The following TNR variants were observed in gnomAD, a reference collection of about 807,000 sequenced individuals.
The protein encoded by TNR is tenascin R, also known as tenascin-R.
TNR carries 45 observed loss-of-function variants against 150.4 expected under a neutral mutation model. That is an observed-to-expected ratio of 0.30 (90% CI 0.24 to 0.38). The LOEUF is 0.38. Ranked by LOEUF, TNR falls within the 10% of genes least tolerant of loss-of-function variation. The pLI is 1.00. For synonymous variants in TNR, 687 were observed against 678.4 expected (o/e 1.01, Z -0.20); for missense variants, 1,544 against 1,759.1 (o/e 0.88, Z 2.19).
chr1:175,627,799 A>G lies in TNR; in HGVS notation c.-164-99430T>C, dbSNP rs538019343. On this transcript the variant is annotated intron_variant, in intron 1 of 22. Coordinates refer to ENST00000367674, the MANE Select transcript of TNR (RefSeq NM_003285.3). The stretch of plus-strand genomic sequence containing the variant: ...ACAATCAGATGTGTTCTTTGGAAAC[A>G]CAACTTTTCCTATTGGAGAGAGCTC... Among the ~76,000 whole-genome samples, 72 of 152,306 alleles carry G rather than the reference A, an allele frequency of 4.7e-4. 3 individuals carry two copies. In the South Asian group the frequency reaches 0.012, roughly 26 times the overall value.
rs1651500800 is a variant in TNR, at chr1:175,359,670, C to T, written c.2916G>A (p.Gln972=). The part of the protein sequence containing the change: ...TNITPTEALL[Q]WKAPVGEVEN... ...CCACCTCACCCACTGGTGCCTTCCA[C>T]TGCAGCAGGGCTTCTGTTGGAGTGA... The change falls in exon 15 of 23, where the codon CAG becomes CAA. Residue 972 remains glutamine, a synonymous_variant. Coordinates refer to ENST00000367674, the MANE Select transcript of TNR (RefSeq NM_003285.3). 6.2e-7 allele frequency: 1 copy of T among 1,613,972 alleles called. No homozygotes were observed. The highest frequency in any genetic ancestry group is 1.3e-5 in the African/African-American group (1 of 75,058).
chr1:175,646,478 A>T (rs1190192180), intron 1 of TNR, among the ~76,000 whole-genome samples: 1 of 151,940 alleles, frequency 6.6e-6, no homozygotes, highest in South Asian at 2.1e-4. Context: ...ACCATTAGAG[A>T]CTCCCTCTTG....
chr1:175,363,660 T>A, intron 13 of TNR, 48 bp downstream of exon 13: 1 of 1,596,868 alleles, frequency 6.3e-7, no homozygotes, highest in Non-Finnish European at 8.5e-7. Context: ...TCTCCCATAA[T>A]CTTCACCCAA....
intron 1 of TNR, among the ~76,000 whole-genome samples, chr1:175,707,336 A>G (rs1423666213): frequency 6.6e-6 from 1 of 152,122 alleles, no homozygotes; most frequent in Non-Finnish European, 1.5e-5. Flanking sequence ...CCATTTATAT[A>G]TTTTTAAATT....
chr1:175,559,395 T>A (rs1247011010), intron 1 of TNR, among the ~76,000 whole-genome samples: 2 of 152,192 alleles, frequency 1.3e-5, no homozygotes, highest in African/African-American at 4.8e-5. Flanking sequence ...AGTGAAATAA[T>A]ATGGACCTAT....
chr1:175,439,395 A>C (rs1401649720), intron 2 of TNR, among the ~76,000 whole-genome samples: 10 of 151,756 alleles, frequency 6.6e-5, no homozygotes, highest in Admixed American at 3.3e-4. Flanking sequence ...TAAAGACTTA[A>C]ATGTTAGACC....
At chr1:175,336,173 G>C (rs958316301) in intron 19 of TNR, among the ~76,000 whole-genome samples, 3 of 152,242 alleles carry the variant, frequency 2.0e-5, no homozygotes, top group Non-Finnish European at 4.4e-5. Flanking sequence ...GAGTGCAGTA[G>C]AAAGCATTTC....
intron 9 of TNR, among the ~76,000 whole-genome samples, chr1:175,370,434 T>A (rs1291586489): frequency 7.0e-6 from 1 of 143,506 alleles, no homozygotes; most frequent in Admixed American, 7.4e-5. Flanking sequence ...TGGGTGCACC[T>A]GTTGACTTCT....
At chr1:175,336,981 C>T (rs1473577327) in intron 19 of TNR, among the ~76,000 whole-genome samples, 1 of 152,214 alleles carries the variant, frequency 6.6e-6, no homozygotes, top group African/African-American at 2.4e-5. Context: ...CAACGTCCGC[C>T]TCCCAGGTTC....
intron 1 of TNR, among the ~76,000 whole-genome samples, chr1:175,578,349 G>A (rs771457851): frequency 6.6e-6 from 1 of 152,208 alleles, no homozygotes; most frequent in Middle Eastern, 3.4e-3. Context: ...AAACAAGATT[G>A]ATAAAAGAGA....
intron 2 of TNR, among the ~76,000 whole-genome samples, chr1:175,418,763 G>A (rs1222146914): frequency 6.6e-6 from 1 of 152,062 alleles, no homozygotes; most frequent in East Asian, 1.9e-4. Flanking sequence ...AGAGAATGAG[G>A]GGAGTCATGT....
intron 2 of TNR, among the ~76,000 whole-genome samples, chr1:175,444,297 C>A (rs6425349): frequency 6.6e-6 from 1 of 151,920 alleles, no homozygotes; most frequent in African/African-American, 2.4e-5. Context: ...ATTTCGTGAC[C>A]GAGAAATCTA....
intron 2 of TNR, among the ~76,000 whole-genome samples, chr1:175,461,806 C>A (rs936645699): frequency 6.6e-6 from 1 of 152,168 alleles, no homozygotes; most frequent in Non-Finnish European, 1.5e-5. Context: ...TTTCTTCTCA[C>A]ATGTCCTGGG....
intron 1 of TNR, among the ~76,000 whole-genome samples, chr1:175,672,612 C>G (rs1470499859): frequency 1.3e-5 from 2 of 152,344 alleles, no homozygotes; most frequent in African/African-American, 2.4e-5. Context: ...AGGCCACAAC[C>G]TGTGCATTCA....
At chr1:175,492,643 C>T (rs953052508) in intron 2 of TNR, among the ~76,000 whole-genome samples, 1 of 152,038 alleles carries the variant, frequency 6.6e-6, no homozygotes, top group African/African-American at 2.4e-5. Context: ...CTAGTCAAAA[C>T]TATATCTATG....
At chr1:175,502,361 A>G (rs925543867) in intron 2 of TNR, among the ~76,000 whole-genome samples, 1 of 152,162 alleles carries the variant, frequency 6.6e-6, no homozygotes, top group African/African-American at 2.4e-5. Context: ...GCTGTTGAAA[A>G]TCATAGCTGT....
rs1377966888 is a variant in TNR, at chr1:175,485,333, G to A, written c.-64+42936C>T. Among the ~76,000 whole-genome samples the A allele has an allele frequency of 3.3e-4, 50 of 152,108 alleles. 1 individual carries two copies. The highest frequency in any genetic ancestry group is 4.8e-5 in the African/African-American group (2 of 41,418). ...TGTAAACAGCTTTGAGGACAAAGACGTAAGTAGCAAAGAATGCATTTTCTT... is the reference window on the plus strand; with the variant it reads ...TGTAAACAGCTTTGAGGACAAAGACATAAGTAGCAAAGAATGCATTTTCTT... On this transcript the variant is annotated intron_variant, in intron 2 of 22. Coordinates refer to ENST00000367674, the MANE Select transcript of TNR (RefSeq NM_003285.3).
chr1:175,483,894 C>G (rs541992089), intron 2 of TNR, among the ~76,000 whole-genome samples: 1 of 152,026 alleles, frequency 6.6e-6, no homozygotes, highest in African/African-American at 2.4e-5. Flanking sequence ...GCTGCCCATG[C>G]CACACACACA....
At chr1:175,663,725 A>G (rs1412645234) in intron 1 of TNR, among the ~76,000 whole-genome samples, 1 of 152,238 alleles carries the variant, frequency 6.6e-6, no homozygotes, top group Non-Finnish European at 1.5e-5. Flanking sequence ...CAGAGGAGAC[A>G]GTGTGTTTAG....
Sources: allele counts gnomAD v4.1 joint callset (sites outside exome capture counted in the v4.1 genomes callset), GRCh38; gene constraint gnomAD v4.1.1; transcripts MANE v1.5; gene names NCBI Gene and HGNC (gene_info 2026-07-23, HGNC 2026-07-21).